AP4M1: variants seen among roughly 807,000 people sequenced by gnomAD.
AP4M1 encodes the protein AP-4 complex subunit mu-1.
Under a neutral mutation model 62.4 loss-of-function variants are expected in AP4M1, and 58 were observed. The observed-to-expected ratio is 0.93, with a 90% CI of 0.75 to 1.16. AP4M1 has a LOEUF of 1.16. Ranked by LOEUF, AP4M1 falls within the 50% of genes most tolerant of loss-of-function variation. The probability of loss-of-function intolerance (pLI) is 0.00; values close to 1 mark genes in which losing one functional copy is unlikely to be tolerated. For synonymous variants in AP4M1, 290 were observed against 239.7 expected (o/e 1.21, Z -1.94); for missense variants, 626 against 585.4 (o/e 1.07, Z -0.72).
At position 100,105,304 on chromosome 7, in the gene AP4M1, T is replaced by C. The variant is rs1270097738; in HGVS notation, c.792T>C (p.Phe264=). Residue 264 remains phenylalanine (F), a synonymous_variant, in exon 10 of 15, where the codon TTT becomes TTC. Coordinates refer to ENST00000359593, the MANE Select transcript of AP4M1 (RefSeq NM_004722.4). Reference sequence around the variant, plus strand: ...ACAGCTCTGTGAATCTGGACGAATTTGAGTCTCATCGAATCCTCCGCTTGC... The same window carrying C: ...ACAGCTCTGTGAATCTGGACGAATTCGAGTCTCATCGAATCCTCCGCTTGC... The part of the protein sequence containing the change: ...SFHSSVNLDE[F]ESHRILRLQP... 3.1e-6 allele frequency: 5 copies of C among 1,614,042 alleles called. No individual in the cohort carries two copies. In the Admixed American group the frequency reaches 6.7e-5, roughly 22 times the overall value.
upstream of AP4M1, chr7:100,101,297 C>T: frequency 6.2e-7 from 1 of 1,613,262 alleles, no homozygotes; most frequent in Non-Finnish European, 8.5e-7. Context: ...AGTGCCATCG[C>T]TGCCGAGGGC....
chr7:100,102,648 C>T (rs1332804806), intron 2 of AP4M1, 27 bp from the exon 3 acceptor site: 1 of 1,606,212 alleles, frequency 6.2e-7, no homozygotes, highest in Non-Finnish European at 8.5e-7. Flanking sequence ...TTTTTTAACG[C>T]CTCTCTTCTC....
chr7:100,101,707 G>C lies in AP4M1; in HGVS notation c.-8G>C. On this transcript the variant is annotated 5_prime_UTR_variant, in exon 1 of 15. Transcript: ENST00000359593. ...TCGCCGTCTTCTTGTCTACTCTCCA[G>C]AACGGCCATGATTTCCCAATTCTTC... 1.9e-6 allele frequency: 3 copies of C among 1,612,838 alleles called. No individual in the cohort carries two copies. Among genetic ancestry groups the C allele is most frequent in the Non-Finnish European group, 2.5e-6 (3 of 1,179,166 alleles).
chr7:100,101,091 G>A (rs938356185), upstream of AP4M1: 69 of 788,200 alleles, frequency 8.8e-5, no homozygotes, highest in Non-Finnish European at 1.3e-4. Context: ...ATGGCCCCCC[G>A]CACGCTTCCC....
rs1796799996 is a variant in AP4M1, at chr7:100,108,457, C to A, written c.*1575C>A. On this transcript the variant is annotated 3_prime_UTR_variant, in exon 15 of 15. Transcript: ENST00000359593. ...TGACCACCTGGGAGCAGAGGAGGGG[C>A]CCAAGGGACCCGAATTCTGCCCGAT... The A allele has an allele frequency of 1.9e-6, 3 of 1,613,992 alleles. No individual in the cohort carries two copies. In the African/African-American group the frequency reaches 4.0e-5, roughly 22 times the overall value.
At position 100,106,281 on chromosome 7, in the gene AP4M1, G is replaced by A. The variant is rs1407983747; in HGVS notation, c.1015G>A (p.Gly339Arg). The A allele has an allele frequency of 6.2e-7, 1 of 1,614,034 alleles. No homozygotes were observed. Among genetic ancestry groups the A allele is most frequent in the Non-Finnish European group, 8.5e-7 (1 of 1,180,020 alleles). ...CAGGCTGCACCTCCCCCTGCCTCGA[G>A]GGGTGGTCAGGTGAGTGTGTGCACC... ...NVRLHLPLPR[G>R]VVSLSQELSS... The change falls in exon 13 of 15, where the codon GGG becomes AGG. Residue 339 changes from glycine to arginine, a missense_variant. Physicochemically the swap from Gly to Arg is moderately radical, Grantham distance 125. Coordinates refer to ENST00000359593, the MANE Select transcript of AP4M1 (RefSeq NM_004722.4).
chr7:100,100,939 C>T, upstream of AP4M1: 1 of 1,038,480 alleles, frequency 9.6e-7, no homozygotes, highest in Non-Finnish European at 1.2e-6. Flanking sequence ...CACGGGAGCC[C>T]AGAGCCCTTA....
At position 100,108,067 on chromosome 7, in the gene AP4M1, G is replaced by T. The variant is rs1453348722; in HGVS notation, c.*1185G>T. The T allele has an allele frequency of 8.7e-6, 14 of 1,612,536 alleles. No homozygotes were observed. The highest frequency in any genetic ancestry group is 1.2e-5 in the Non-Finnish European group (14 of 1,179,670). ...CGATGGAGCCAGGAACCTTCAGCAAGCCAGGGGTGCGAGGGCCAGGCTGTG... is the reference window on the plus strand; with the variant it reads ...CGATGGAGCCAGGAACCTTCAGCAATCCAGGGGTGCGAGGGCCAGGCTGTG... On this transcript the variant is annotated 3_prime_UTR_variant, in exon 15 of 15. Coordinates refer to ENST00000359593, the MANE Select transcript of AP4M1 (RefSeq NM_004722.4).
Position 100,103,495 on chromosome 7 carries a change from C to T in AP4M1, c.438C>T (p.Leu146=), listed in dbSNP as rs749724244. ...CTGTGGTCAGCAAGCCCTTCAGCCT[C>T]TTTGACCTCAGCAGCGTTGGCTTGG... is the stretch of plus-strand genomic sequence containing the variant. The part of the protein sequence containing the change: ...TEAVVSKPFS[L]FDLSSVGLFG... The change falls in exon 5 of 15, where the codon CTC becomes CTT. Residue 146 remains leucine, a synonymous_variant. Transcript: ENST00000359593. 1 of 1,614,206 alleles carries T rather than the reference C, an allele frequency of 6.2e-7. No individual in the cohort carries two copies. Among genetic ancestry groups the T allele is most frequent in the Non-Finnish European group, 8.5e-7 (1 of 1,180,038 alleles).
Position 100,105,510 on chromosome 7 carries a change from CT to C in AP4M1, c.901del (p.Ser301LeufsTer15). 1 of 1,613,920 alleles carries C rather than the reference CT, an allele frequency of 6.2e-7. No homozygotes were observed. On this transcript the variant is annotated frameshift_variant, in exon 11 of 15. Coordinates refer to ENST00000359593, the MANE Select transcript of AP4M1 (RefSeq NM_004722.4). LOFTEE classifies it high-confidence loss of function. ...PSPLPFRLFPSVQWDRGSGRL... is the reference protein window; with the variant it reads ...PSPLPFRLFPXVQWDRGSGRL... ...CACCGCTCCCCTTCCGGCTCTTCCC[CT>C]CTGTGCAGTGGGACCGAGGCTCAGG...
At position 100,107,337 on chromosome 7, in the gene AP4M1, T is replaced by A; in HGVS notation, c.*455T>A. On this transcript the variant is annotated 3_prime_UTR_variant, in exon 15 of 15. Transcript: ENST00000359593. ...TGGAGGGGGACTGTCCCCAGCCTCC[T>A]GCTTCCCCCCACAAAGGGCACTGCC... is the stretch of plus-strand genomic sequence containing the variant. 6.5e-7 allele frequency: 1 copy of A among 1,546,504 alleles called. No individual in the cohort carries two copies. The highest frequency in any genetic ancestry group is 8.7e-7 in the Non-Finnish European group (1 of 1,145,656).
Position 100,104,839 on chromosome 7 carries a change from A to G in AP4M1, c.607-35A>G, listed in dbSNP as rs548733667. On this transcript the variant is annotated intron_variant, in intron 7 of 14. Transcript: ENST00000359593. ...GAGACCGTCTCAAAAAAAGAAAGAA[A>G]AAAAGACTCTAACCTTGACGCCCCT... 1.7e-5 allele frequency: 28 copies of G among 1,613,328 alleles called. 1 individual carries two copies. In the South Asian group the frequency reaches 3.0e-4, roughly 17 times the overall value.
rs762567860 is a variant in AP4M1 at position 100,108,366 on chromosome 7, C to G, written c.*1484C>G. On this transcript the variant is annotated 3_prime_UTR_variant, in exon 15 of 15. Transcript: ENST00000359593. ...TTCCTCCTCCCCACCCGGCCACGGA[C>G]CTGCGTGATGGTCAGAGTGGTCCTG... The G allele has an allele frequency of 6.3e-7, 1 of 1,597,640 alleles. No homozygotes were observed. The highest frequency in any genetic ancestry group is 8.6e-7 in the Non-Finnish European group (1 of 1,168,742).
At chr7:100,101,107 C>T (rs113970720), upstream of AP4M1, 3 of 899,306 alleles carry the variant, frequency 3.3e-6, no homozygotes, top group Middle Eastern at 2.6e-4. Context: ...TTCCCAGGCC[C>T]CGTGGGCCTT....
At chr7:100,103,273 G>A in intron 4 of AP4M1, 136 bp from the exon 5 acceptor site, 2 of 790,060 alleles carry the variant, frequency 2.5e-6, no homozygotes, top group South Asian at 1.4e-5. Flanking sequence ...TGAACTCATG[G>A]CCTCAAGCCA....
intron 7 of AP4M1, 57 bp downstream of exon 7, chr7:100,104,211 T>TG: frequency 1.5e-5 from 22 of 1,514,994 alleles, no homozygotes; most frequent in Non-Finnish European, 2.0e-5. Context: ...GGAAACATGG[T>TG]GGGGTGGCTA....
chr7:100,104,172 A>G lies in AP4M1; in HGVS notation c.606+18A>G. On this transcript the variant is annotated intron_variant, in intron 7 of 14. Transcript: ENST00000359593. ...CATCTAATGTAAGTTTGAGCTCCCA[A>G]ACCTGGAGCTGAGGACAGATGGGAC... 1.2e-6 allele frequency: 2 copies of G among 1,609,882 alleles called. No individual in the cohort carries two copies. Among genetic ancestry groups the G allele is most frequent in the Non-Finnish European group, 1.7e-6 (2 of 1,176,332 alleles).
chr7:100,104,888 G>C lies in AP4M1; in HGVS notation c.621G>C (p.Lys207Asn). Reference sequence around the variant, plus strand: ...CTGCCTCTCAGGGATCCCTGCTGAAGGTGGATGTGCAGGGAGAGATTCGGC... The same window carrying C: ...CTGCCTCTCAGGGATCCCTGCTGAACGTGGATGTGCAGGGAGAGATTCGGC... ...VLIASNGSLL[K>N]VDVQGEIRLK... Residue 207 changes from lysine (K) to asparagine (N), a missense_variant, in exon 8 of 15, where the codon AAG becomes AAC. Lys to Asn is a moderately conservative substitution (Grantham distance 94). Coordinates refer to ENST00000359593, the MANE Select transcript of AP4M1 (RefSeq NM_004722.4). 1 of 1,614,170 alleles carries C rather than the reference G, an allele frequency of 6.2e-7. No homozygotes were observed. Among genetic ancestry groups the C allele is most frequent in the African/African-American group, 1.3e-5 (1 of 75,044 alleles).
At chr7:100,100,804 G>A (rs762011867), upstream of AP4M1, 1 of 996,140 alleles carries the variant, frequency 1.0e-6, no homozygotes, top group African/African-American at 1.7e-5. Context: ...ACTTCCGCTC[G>A]GAGGGCGGCC....
Sources: allele counts gnomAD v4.1 joint callset, GRCh38; gene constraint gnomAD v4.1.1; transcripts MANE v1.5; gene names NCBI Gene and HGNC (gene_info 2026-07-23, HGNC 2026-07-21).